Variants in ARHGEF18 observed in about 807,000 individuals in gnomAD.
ARHGEF18 encodes Rho/Rac guanine nucleotide exchange factor 18, also known as rho guanine nucleotide exchange factor 18.
Under a neutral mutation model 155.7 loss-of-function variants are expected in ARHGEF18, and 93 were observed. The observed-to-expected ratio is 0.60, with a 90% confidence interval of 0.50 to 0.71. The LOEUF is 0.71. ARHGEF18 is among the 30% of genes least tolerant of loss of function. The pLI, the probability that ARHGEF18 is intolerant of heterozygous loss-of-function variation, is 0.00. For synonymous variants in ARHGEF18, 742 were observed against 753.1 expected, an observed-to-expected ratio of 0.99 and a Z score of 0.24; for missense variants, 1,593 against 1,816.1, an observed-to-expected ratio of 0.88 and a Z score of 2.23.
At chr19:7,352,637 C>T (rs550389687) in intron 1 of ARHGEF18, among the ~76,000 whole-genome samples, 1 of 147,218 alleles carries the variant, frequency 6.8e-6, no homozygotes, top group East Asian at 2.0e-4. Flanking sequence ...AGGTTCACGC[C>T]ATTCTCCTGC....
chr19:7,469,089 A>C lies in ARHGEF18; in HGVS notation c.3745A>C (p.Lys1249Gln). The change falls in exon 27 of 29, where the codon AAG (lysine) becomes CAG (glutamine). Residue 1249 changes from lysine to glutamine, a missense_variant. Physicochemically the swap from Lys to Gln is moderately conservative, Grantham distance 53. Coordinates refer to ENST00000668164, the MANE Select transcript of ARHGEF18 (RefSeq NM_001367823.1). ...GGCCTCCACCAAGGGTGGCAAGGACAAGGGCGGCAAGAGCAGGGGCTCTCA... is the reference window on the plus strand; with the variant it reads ...GGCCTCCACCAAGGGTGGCAAGGACCAGGGCGGCAAGAGCAGGGGCTCTCA... ...LAASTKGGKDKGGKSRGSQRW... is the reference protein window; with the variant it reads ...LAASTKGGKDQGGKSRGSQRW... The C allele has an allele frequency of 1.9e-6, 3 of 1,609,108 alleles. No homozygotes were observed. The highest frequency in any genetic ancestry group is 2.5e-6 in the Non-Finnish European group (3 of 1,178,788).
At chr19:7,374,247 G>A (rs969078966) in intron 3 of ARHGEF18, among the ~76,000 whole-genome samples, 1 of 152,094 alleles carries the variant, frequency 6.6e-6, no homozygotes, top group Non-Finnish European at 1.5e-5. Context: ...CCCAGGAGTT[G>A]GGGATCCCTG....
chr19:7,370,315 G>GTACTA, intron 2 of ARHGEF18, among the ~76,000 whole-genome samples: 1 of 152,080 alleles, frequency 6.6e-6, no homozygotes, highest in Non-Finnish European at 1.5e-5. Context: ...CTAACACAGG[G>GTACTA]AAACTCCATC....
intron 2 of ARHGEF18, among the ~76,000 whole-genome samples, chr19:7,367,843 TA>T (rs1427470540): frequency 0.7 from 11,920 of 17,004 alleles, 4,658 homozygotes; most frequent in Middle Eastern, 0.96. Context: ...ATATATATTT[TA>T]TATATATATA....
At position 7,424,047 on chromosome 19, in the gene ARHGEF18, G is replaced by A. The variant is rs1215269484; in HGVS notation, c.968-16297G>A. On this transcript the variant is annotated intron_variant, in intron 10 of 28. Coordinates refer to ENST00000668164, the MANE Select transcript of ARHGEF18 (RefSeq NM_001367823.1). The stretch of plus-strand genomic sequence containing the variant: ...TTACTTATTTATTTATTTCTGAGAT[G>A]GAGTTTTGCTATTTTTGCCCAGGCT... 2.8e-5 allele frequency among the ~76,000 whole-genome samples: 4 copies of A among 142,488 alleles called. No homozygotes were observed. In the East Asian group the frequency reaches 8.4e-4, roughly 30 times the overall value. The allele number at this position is 142,488 out of a possible 152,430, so 93.5% of individuals were successfully genotyped here.
chr19:7,363,050 C>G, intron 2 of ARHGEF18, 145 bp downstream of exon 2: 1 of 1,013,234 alleles, frequency 9.9e-7, no homozygotes, highest in Non-Finnish European at 1.3e-6. Flanking sequence ...CATTTATTAT[C>G]CTGTTTTACC....
At position 7,412,696 on chromosome 19, in the gene ARHGEF18, C is replaced by T. The variant is rs372490696; in HGVS notation, c.968-27648C>T. 3.3e-5 allele frequency among the ~76,000 whole-genome samples: 5 copies of T among 149,466 alleles called. No homozygotes were observed. The South Asian group carries it at 6.3e-4, about 19-fold the overall frequency. On this transcript the variant is annotated intron_variant, in intron 10 of 28. Transcript: ENST00000668164. The stretch of plus-strand genomic sequence containing the variant: ...GGCGGAGGTTGCAGTGAACTGAGAT[C>T]GAGCCACTGCACTGGAGCCTGGGTG...
At chr19:7,373,842 T>C (rs1970315120) in intron 3 of ARHGEF18, among the ~76,000 whole-genome samples, 1 of 139,802 alleles carries the variant, frequency 7.2e-6, no homozygotes, top group South Asian at 2.2e-4. Flanking sequence ...TTCCCGCTCC[T>C]ATGAGAATTT....
In ARHGEF18 at chr19:7,395,225, G is replaced by T; in HGVS notation, c.967+12022G>T. On this transcript the variant is annotated intron_variant, in intron 10 of 28. Transcript: ENST00000668164. This position sits in a 1 kb window ranked among gnomAD's most constrained non-coding sequence, Gnocchi z 5.0. ...AGTGGCAGAGGAGCTGGCGGAGAGCGGCCTGCGGGCGATCGGGCCGAGGTG... is the reference window on the plus strand; with the variant it reads ...AGTGGCAGAGGAGCTGGCGGAGAGCTGCCTGCGGGCGATCGGGCCGAGGTG... The T allele has an allele frequency of 1.0e-6, 1 of 986,846 alleles. No individual in the cohort carries two copies. The highest frequency in any genetic ancestry group is 1.2e-6 in the Non-Finnish European group (1 of 831,122). 61.1% of individuals were successfully genotyped at this position (986,846 alleles called of 1,614,324 possible).
intron 10 of ARHGEF18, among the ~76,000 whole-genome samples, chr19:7,391,810 AT>A (rs933519941): frequency 3.3e-5 from 5 of 151,892 alleles, no homozygotes; most frequent in African/African-American, 1.2e-4. Context: ...CCTCCAGTGC[AT>A]AGGAGACCAC....
rs142755963 is a variant in ARHGEF18, at chr19:7,385,443, CATTATTATTATTATT to C, written c.967+2274_967+2288del. On this transcript the variant is annotated intron_variant, in intron 10 of 28. Coordinates refer to ENST00000668164, the MANE Select transcript of ARHGEF18 (RefSeq NM_001367823.1). ...GAGCGTCGCCGTCATCTGGGAACTT[CATTATTATTATTATT>C]ATTATTATTATTATTATTATTATTA... 4.4e-3 allele frequency among the ~76,000 whole-genome samples: 599 copies of C among 136,670 alleles called. 3 individuals carry two copies. The highest frequency in any genetic ancestry group is 0.029 in the Middle Eastern group (8 of 272). 89.7% of individuals were successfully genotyped at this position (136,670 alleles called of 152,430 possible).
chr19:7,455,481 G>A (rs1975770654), intron 17 of ARHGEF18, among the ~76,000 whole-genome samples: 1 of 152,180 alleles, frequency 6.6e-6, no homozygotes, highest in African/African-American at 2.4e-5. Context: ...AAGCCTTACA[G>A]CACGAGAGGT....
chr19:7,434,479 C>T (rs1380158064), intron 10 of ARHGEF18, among the ~76,000 whole-genome samples: 2 of 152,198 alleles, frequency 1.3e-5, no homozygotes, highest in Non-Finnish European at 2.9e-5. Context: ...AAGAGCTCTG[C>T]GGCATACAGT....
chr19:7,451,156 G>T lies in ARHGEF18; in HGVS notation c.1745G>T (p.Gly582Val), dbSNP rs1181633194. The T allele has an allele frequency of 6.1e-6, 9 of 1,472,760 alleles. No homozygotes were observed. Among genetic ancestry groups the T allele is most frequent in the East Asian group, 2.5e-5 (1 of 40,182 alleles). The allele number at this position is 1,472,760 out of a possible 1,614,324, so 91.2% of individuals were successfully genotyped here. ...KKFQNLIKKI[G>V]NFSIVRRLGV... ...TTGCTTTCTGTTTCCTAGAAAATTG[G>T]CAACTTCTCCATCGTGCGGCGGCTT... Residue 582 changes from glycine (G) to valine (V), a missense_variant, in exon 16 of 29, where the codon GGC becomes GTC. Gly to Val is a moderately radical substitution (Grantham distance 109). Transcript: ENST00000668164.
rs141414329 is a variant in ARHGEF18, at chr19:7,397,607, C to T, written c.967+14404C>T. Among the ~76,000 whole-genome samples the T allele has an allele frequency of 2.5e-4, 38 of 152,156 alleles. No individual in the cohort carries two copies. The East Asian group carries it at 7.3e-3, about 29-fold the overall frequency. On this transcript the variant is annotated intron_variant, in intron 10 of 28. Transcript: ENST00000668164. The stretch of plus-strand genomic sequence containing the variant: ...AATTAGCTGGGCATGATGGCGTGTG[C>T]CTGTAGTCCCAGCTAGTCAGGAGGC...
In ARHGEF18 at chr19:7,385,870, T is replaced by TCTCTCTCTCTCTCTCTCTCTCTCC. The variant is rs1555704468; in HGVS notation, c.967+2668_967+2669insTCTCTCTCTCTCTCTCTCTCTCCC. Among the ~76,000 whole-genome samples the TCTCTCTCTCTCTCTCTCTCTCTCC allele has an allele frequency of 2.0e-4, 6 of 29,566 alleles. 1 individual carries two copies. The highest frequency in any genetic ancestry group is 7.6e-4 in the African/African-American group (4 of 5,294). The allele number at this position is 29,566 out of a possible 152,430, so 19.4% of individuals were successfully genotyped here. On this transcript the variant is annotated intron_variant, in intron 10 of 28. Transcript: ENST00000668164. ...CTCTCTCTCTCTCTCTCTCTCTCTC[T>TCTCTCTCTCTCTCTCTCTCTCTCC]CCCCCCTCCCTCTCTCCCTCCCTCC...
At chr19:7,355,165 C>G (rs957943766) in intron 1 of ARHGEF18, among the ~76,000 whole-genome samples, 3 of 151,762 alleles carry the variant, frequency 2.0e-5, no homozygotes, top group African/African-American at 7.3e-5. Flanking sequence ...AATACACCCC[C>G]ACATTGACAA....
At position 7,421,851 on chromosome 19, in the gene ARHGEF18, C is replaced by T. The variant is rs147800721; in HGVS notation, c.968-18493C>T. On this transcript the variant is annotated intron_variant, in intron 10 of 28. Coordinates refer to ENST00000668164, the MANE Select transcript of ARHGEF18 (RefSeq NM_001367823.1). ...CCTTCAGGACTTCTGAGCAGAGGGTCCTGGGTGGCATTTCAGACTGACCAT... is the reference window on the plus strand; with the variant it reads ...CCTTCAGGACTTCTGAGCAGAGGGTTCTGGGTGGCATTTCAGACTGACCAT... Among the ~76,000 whole-genome samples the T allele has an allele frequency of 1.4e-4, 21 of 152,250 alleles. No individual in the cohort carries two copies. In the East Asian group the frequency reaches 3.9e-3, roughly 28 times the overall value.
intron 10 of ARHGEF18, among the ~76,000 whole-genome samples, chr19:7,416,028 C>T (rs1174182858): frequency 6.6e-6 from 1 of 152,142 alleles, no homozygotes; most frequent in Non-Finnish European, 1.5e-5. Flanking sequence ...ACACTGTAAA[C>T]ACATGCCCTG....
Sources: allele counts gnomAD v4.1 joint callset (sites outside exome capture counted in the v4.1 genomes callset), GRCh38; gene constraint gnomAD v4.1.1; non-coding constraint Gnocchi (gnomAD v3.1); transcripts MANE v1.5; gene names NCBI Gene and HGNC (gene_info 2026-07-23, HGNC 2026-07-21).